The following CDC45 variants were observed in gnomAD, a reference collection of about 807,000 sequenced individuals.
CDC45 encodes cell division cycle 45.
CDC45 carries 54 observed loss-of-function variants against 77.8 expected under a neutral mutation model. That is an observed-to-expected ratio of 0.69 (90% CI 0.56 to 0.87). CDC45 has a LOEUF of 0.87. Ranked by LOEUF, CDC45 falls within the 40% of genes least tolerant of loss-of-function variation. The pLI is 0.00. For missense variants in CDC45, 649 were observed against 721.6 expected (o/e 0.90, Z 1.15); for synonymous variants, 260 against 272.1 (o/e 0.96, Z 0.44).
chr22:19,507,903 C>T, intron 12 of CDC45, 39 bp downstream of exon 12: 2 of 1,373,766 alleles, frequency 1.5e-6, no homozygotes, highest in Non-Finnish European at 2.1e-6. Flanking sequence ...TCATTACATC[C>T]AGGTTCATTA....
intron 5 of CDC45, among the ~76,000 whole-genome samples, chr22:19,490,147 C>T (rs1420230045): frequency 6.6e-6 from 1 of 152,142 alleles, no homozygotes; most frequent in Non-Finnish European, 1.5e-5. Flanking sequence ...TCTTTAGTTT[C>T]ATTCTGCCTA....
Position 19,516,854 on chromosome 22 carries a change from A to G in CDC45, c.1597A>G (p.Thr533Ala). Residue 533 changes from threonine to alanine, a missense_variant, in exon 17 of 19, where the codon ACC becomes GCC. Physicochemically the swap from Thr to Ala is moderately conservative, Grantham distance 58. Transcript: ENST00000263201. The part of the protein sequence containing the change: ...GRAFEKAAES[T>A]SSRMLHNHFD... The stretch of plus-strand genomic sequence containing the variant: ...GGCGTTTGAGAAGGCAGCGGAAAGC[A>G]CCAGCTCCCGGATGCTGCACAACCA... 1 of 1,614,144 alleles carries G rather than the reference A, an allele frequency of 6.2e-7. No homozygotes were observed. Among genetic ancestry groups the G allele is most frequent in the Middle Eastern group, 1.6e-4 (1 of 6,062 alleles).
chr22:19,510,110 T>A (rs1296824497), intron 13 of CDC45, among the ~76,000 whole-genome samples: 4 of 152,132 alleles, frequency 2.6e-5, no homozygotes, highest in Non-Finnish European at 4.4e-5. Context: ...AACAGGTGCA[T>A]GCCACCACGC....
In CDC45 at chr22:19,516,875, A is replaced by C. The variant is rs200986651; in HGVS notation, c.1618A>C (p.Asn540His). The change falls in exon 17 of 19, where the codon AAC (asparagine) becomes CAC (histidine). Residue 540 changes from asparagine to histidine, a missense_variant. Coordinates refer to ENST00000263201, the MANE Select transcript of CDC45 (RefSeq NM_003504.5). ...AESTSSRMLH[N>H]HFDLSVIELK... is the part of the protein sequence containing the mutation. ...AAGCACCAGCTCCCGGATGCTGCAC[A>C]ACCATTTTGACCTCTCAGGTGAGAG... 4.3e-6 allele frequency: 7 copies of C among 1,613,996 alleles called. No individual in the cohort carries two copies. The South Asian group carries it at 7.7e-5, about 18-fold the overall frequency.
At position 19,518,844 on chromosome 22, in the gene CDC45, T is replaced by A. The variant is rs766211638; in HGVS notation, c.1637T>A (p.Val546Glu). ...RMLHNHFDLS[V>E]IELKAEDRSK... is the part of the protein sequence containing the mutation. ...GGCTGTTTTTCTTTCATTACTTCAG[T>A]AATTGAGCTGAAAGCTGAGGATCGG... The change falls in exon 18 of 19, where the codon GTA becomes GAA. Residue 546 changes from valine to glutamate, a missense_variant and splice_region_variant. By Grantham distance (121) the Val-to-Glu change is moderately radical. Coordinates refer to ENST00000263201, the MANE Select transcript of CDC45 (RefSeq NM_003504.5). The A allele has an allele frequency of 6.2e-7, 1 of 1,613,632 alleles. No homozygotes were observed. The highest frequency in any genetic ancestry group is 8.5e-7 in the Non-Finnish European group (1 of 1,179,600).
intron 13 of CDC45, among the ~76,000 whole-genome samples, chr22:19,509,439 G>A (rs1933395413): frequency 6.6e-6 from 1 of 152,184 alleles, no homozygotes; most frequent in Admixed American, 6.5e-5. Flanking sequence ...TATCTGAATT[G>A]TTGCAGTCCT....
In CDC45 at chr22:19,494,543, G is replaced by A. The variant is rs1441702329; in HGVS notation, c.542+161G>A. Reference sequence around the variant, plus strand: ...GTGAACCTGTGGCCGCTGCATTGGAGAAGAGCTCCAGGTTGTTCGCCGGTC... The same window carrying A: ...GTGAACCTGTGGCCGCTGCATTGGAAAAGAGCTCCAGGTTGTTCGCCGGTC... On this transcript the variant is annotated intron_variant, in intron 6 of 18. Coordinates refer to ENST00000263201, the MANE Select transcript of CDC45 (RefSeq NM_003504.5). 2.6e-6 allele frequency: 4 copies of A among 1,551,064 alleles called. No homozygotes were observed. Among genetic ancestry groups the A allele is most frequent in the African/African-American group, 2.7e-5 (2 of 73,156 alleles).
intron 13 of CDC45, among the ~76,000 whole-genome samples, chr22:19,509,368 T>C (rs1269844628): frequency 3.3e-5 from 5 of 152,208 alleles, no homozygotes; most frequent in Non-Finnish European, 7.3e-5. Flanking sequence ...AGAGCCAGAG[T>C]TGGCGTCAGT....
At chr22:19,501,018 A>T in intron 9 of CDC45, among the ~76,000 whole-genome samples, 1 of 152,088 alleles carries the variant, frequency 6.6e-6, no homozygotes, top group East Asian at 1.9e-4. Flanking sequence ...CTCTACTAAG[A>T]ATAGAAAAAT....
At chr22:19,515,140 G>A (rs932152502) in intron 15 of CDC45, 92 bp downstream of exon 15, 3 of 1,207,640 alleles carry the variant, frequency 2.5e-6, no homozygotes, top group Non-Finnish European at 3.4e-6. Context: ...TGGGGTGCCT[G>A]TGGCTGTTGA....
rs769864763 is a variant in CDC45, at chr22:19,507,752, C to T, written c.957-14C>T. On this transcript the variant is annotated splice_polypyrimidine_tract_variant and intron_variant, in intron 11 of 18. Transcript: ENST00000263201. ...GGTGACCTCACTCATGTGGCTTGGGCTTGCTCTTTCCAGTCTTCCCCTGAA... is the reference window on the plus strand; with the variant it reads ...GGTGACCTCACTCATGTGGCTTGGGTTTGCTCTTTCCAGTCTTCCCCTGAA... 11 of 1,579,348 alleles carry T rather than the reference C, an allele frequency of 7.0e-6. No individual in the cohort carries two copies. Among genetic ancestry groups the T allele is most frequent in the Non-Finnish European group, 9.5e-6 (11 of 1,161,812 alleles).
Position 19,495,939 on chromosome 22 carries a change from C to T in CDC45, c.543-42C>T, listed in dbSNP as rs748234011. On this transcript the variant is annotated intron_variant, in intron 6 of 18. Coordinates refer to ENST00000263201, the MANE Select transcript of CDC45 (RefSeq NM_003504.5). ...TTTCCAAAATATTTGGCTTCCTGTACTGCTACTTCCTGTTGAAGACCTGCA... is the reference window on the plus strand; with the variant it reads ...TTTCCAAAATATTTGGCTTCCTGTATTGCTACTTCCTGTTGAAGACCTGCA... 6.2e-6 allele frequency: 9 copies of T among 1,453,762 alleles called. No homozygotes were observed. The African/African-American group carries it at 1.1e-4, about 18-fold the overall frequency. The allele number at this position is 1,453,762 out of a possible 1,614,324, so 90.1% of individuals were successfully genotyped here.
At position 19,508,543 on chromosome 22, in the gene CDC45, C is replaced by T. The variant is rs776018185; in HGVS notation, c.1069C>T (p.Arg357Cys). 69 of 1,614,070 alleles carry T rather than the reference C, an allele frequency of 4.3e-5. No individual in the cohort carries two copies. Among genetic ancestry groups the T allele is most frequent in the Non-Finnish European group, 5.1e-5 (60 of 1,180,032 alleles). ...CTCCCATGACAGGATGAAGGACATGCGCGTGCAGACTTTCAGCATTCATTT... is the reference window on the plus strand; with the variant it reads ...CTCCCATGACAGGATGAAGGACATGTGCGTGCAGACTTTCAGCATTCATTT... ...SANKFGMKDM[R>C]VQTFSIHFGF... The change falls in exon 13 of 19, where the codon CGC (arginine) becomes TGC (cysteine). Residue 357 changes from arginine (R) to cysteine (C), a missense_variant. By Grantham distance (180) the Arg-to-Cys change is radical. Transcript: ENST00000263201.
chr22:19,503,440 C>A (rs1035575562), intron 9 of CDC45, among the ~76,000 whole-genome samples: 4 of 152,174 alleles, frequency 2.6e-5, no homozygotes, highest in African/African-American at 9.7e-5. Context: ...CCCTGTCAGC[C>A]CCCAGCACCT....
Position 19,507,962 on chromosome 22 carries a change from A to C in CDC45, c.1055+98A>C, listed in dbSNP as rs1465575826. ...GTGCTCCTAAAATAATGCAAAAAAA[A>C]CCAACGTGCTCCTAAAATAATGCAA... On this transcript the variant is annotated intron_variant, in intron 12 of 18. Transcript: ENST00000263201. 24 of 774,320 alleles carry C rather than the reference A, an allele frequency of 3.1e-5. 1 individual carries two copies. The highest frequency in any genetic ancestry group is 5.2e-5 in the East Asian group (2 of 38,610). The allele number at this position is 774,320 out of a possible 1,614,324, so 48.0% of individuals were successfully genotyped here.
intron 5 of CDC45, 80 bp downstream of exon 5, chr22:19,484,085 C>G (rs1175016656): frequency 3.6e-6 from 5 of 1,404,848 alleles, no homozygotes; most frequent in Non-Finnish European, 3.9e-6. Flanking sequence ...CCTGCCAGGC[C>G]AAGGTGTACT....
chr22:19,516,540 G>A lies in CDC45; in HGVS notation c.1454G>A (p.Arg485His), dbSNP rs569721307. 69 of 1,613,892 alleles carry A rather than the reference G, an allele frequency of 4.3e-5. No individual in the cohort carries two copies. Among genetic ancestry groups the A allele is most frequent in the Non-Finnish European group, 4.9e-5 (58 of 1,179,876 alleles). ...KSFVCSTKNR[R>H]CKLLPLVMAA... is the part of the protein sequence containing the mutation. ...CCGACTCCATAGACAAAGAACCGGCGCTGCAAACTGCTGCCCCTGGTGATG... is the reference window on the plus strand; with the variant it reads ...CCGACTCCATAGACAAAGAACCGGCACTGCAAACTGCTGCCCCTGGTGATG... Residue 485 changes from arginine to histidine, a missense_variant, in exon 16 of 19, where the codon CGC becomes CAC. Physicochemically the swap from Arg to His is conservative, Grantham distance 29. Transcript: ENST00000263201.
At chr22:19,497,077 A>G (rs998831488) in intron 7 of CDC45, among the ~76,000 whole-genome samples, 1 of 152,192 alleles carries the variant, frequency 6.6e-6, no homozygotes, top group Admixed American at 6.5e-5. Context: ...GGGAGATACA[A>G]AGAGGCCCCA....
chr22:19,509,033 A>C (rs1933370835), intron 13 of CDC45, among the ~76,000 whole-genome samples: 1 of 151,810 alleles, frequency 6.6e-6, no homozygotes, highest in Non-Finnish European at 1.5e-5. Context: ...TCAATTTTTT[A>C]ATTTTCCAAT....
Sources: allele counts gnomAD v4.1 joint callset (sites outside exome capture counted in the v4.1 genomes callset), GRCh38; gene constraint gnomAD v4.1.1; transcripts MANE v1.5; gene names NCBI Gene and HGNC (gene_info 2026-07-23, HGNC 2026-07-21).